The following PRDM11 variants were observed in gnomAD, a reference collection of about 807,000 sequenced individuals.
PRDM11 encodes PR domain-containing protein 11.
In PRDM11, 20 loss-of-function variants were observed where a neutral mutation model predicts 97.8. The ratio of observed to expected loss-of-function variants is 0.20; its 90% CI spans 0.14 to 0.30. The LOEUF (loss-of-function observed/expected upper bound fraction) is 0.30. Ranked by LOEUF, PRDM11 falls within the 10% of genes least tolerant of loss-of-function variation. The probability of loss-of-function intolerance (pLI) is 1.00; values close to 1 mark genes in which losing one functional copy is unlikely to be tolerated. For synonymous variants in PRDM11, 599 were observed against 637.7 expected (o/e 0.94, Z 0.91); for missense variants, 1,139 against 1,555.2 (o/e 0.73, Z 4.50).
chr11:45,138,817 T>C (rs1309759773), intron 1 of PRDM11, among the ~76,000 whole-genome samples: 1 of 152,176 alleles, frequency 6.6e-6, no homozygotes, highest in East Asian at 1.9e-4. Flanking sequence ...TTTCTAACTA[T>C]GTTCACAAAA....
chr11:45,103,109 C>T (rs1273990699), intron 1 of PRDM11, among the ~76,000 whole-genome samples: 2 of 152,218 alleles, frequency 1.3e-5, no homozygotes, highest in African/African-American at 4.8e-5. Context: ...TTTTCATTCT[C>T]TTGTCTGGTC....
rs765859653 is a variant in PRDM11 at position 45,219,587 on chromosome 11, G to A, written c.572G>A (p.Arg191Gln). Residue 191 changes from arginine (R) to glutamine (Q), a missense_variant, in exon 6 of 8, where the codon CGG becomes CAG. Arg to Gln is a conservative substitution (Grantham distance 43). Around this residue, in one of 2 missense-constraint regions of PRDM11, gnomAD observed 429 missense variants for 510.3 expected, o/e 0.84. Coordinates refer to ENST00000683152, the MANE Select transcript of PRDM11 (RefSeq NM_001384648.1). The surrounding 1 kb of genome is among the most constrained non-coding windows in gnomAD (Gnocchi z 4.2). ...ANWMRYVVIS[R>Q]EEREQNLLAF... ...CCCACCAGGTACGTGGTCATCTCCC[G>A]GGAGGAGAGGGAGCAGAACCTGCTG... 8 of 1,613,758 alleles carry A rather than the reference G, an allele frequency of 5.0e-6. No homozygotes were observed. Among genetic ancestry groups the A allele is most frequent in the East Asian group, 4.5e-5 (2 of 44,882 alleles).
chr11:45,190,369 A>G (rs1463016494), intron 4 of PRDM11, among the ~76,000 whole-genome samples: 1 of 152,030 alleles, frequency 6.6e-6, no homozygotes, highest in African/African-American at 2.4e-5. Flanking sequence ...GCTGGTCGCA[A>G]ACTCCTGAGC....
upstream of PRDM11, among the ~76,000 whole-genome samples, chr11:45,143,849 C>T (rs1486429100): frequency 1.3e-5 from 2 of 152,222 alleles, no homozygotes; most frequent in East Asian, 1.9e-4. Context: ...TGTTCTCCTT[C>T]CCCTTCCCTT....
chr11:45,128,566 G>C (rs73464561), intron 1 of PRDM11, among the ~76,000 whole-genome samples: 5,888 of 130,390 alleles, frequency 0.045, 406 homozygotes, highest in African/African-American at 0.16. Flanking sequence ...TGGCAACTTA[G>C]ATTAAATGAA....
At chr11:45,094,546 A>G (rs78873988), upstream of PRDM11, among the ~76,000 whole-genome samples, 349 of 129,468 alleles carry the variant, frequency 2.7e-3, 3 homozygotes, top group African/African-American at 9.6e-3. Context: ...AGAGAGGGAT[A>G]TGACGGGAGG....
At chr11:45,145,625 C>A (rs935062023), upstream of PRDM11, among the ~76,000 whole-genome samples, 3 of 152,182 alleles carry the variant, frequency 2.0e-5, no homozygotes. Context: ...GGGTTTACTG[C>A]CCCAATTTTG....
chr11:45,197,070 G>T lies in PRDM11; in HGVS notation c.487-7641G>T, dbSNP rs1326898560. Among the ~76,000 whole-genome samples the T allele has an allele frequency of 3.3e-5, 5 of 152,308 alleles. No homozygotes were observed. In the South Asian group the frequency reaches 1.0e-3, roughly 32 times the overall value. ...AGATGGGTTTCAGGAATGGTTGAGG[G>T]TGGGAGGTGAAATCAAAGTGTATAA... On this transcript the variant is annotated intron_variant, in intron 4 of 7. Coordinates refer to ENST00000683152, the MANE Select transcript of PRDM11 (RefSeq NM_001384648.1).
intron 1 of PRDM11, among the ~76,000 whole-genome samples, chr11:45,167,728 A>T (rs2135713429): frequency 6.6e-6 from 1 of 150,402 alleles, no homozygotes; most frequent in African/African-American, 2.4e-5. Context: ...GATGCTTAGG[A>T]CCCAAGGAGG....
chr11:45,114,973 T>A (rs1852268801), intron 1 of PRDM11, among the ~76,000 whole-genome samples: 1 of 152,032 alleles, frequency 6.6e-6, no homozygotes. Context: ...TGAAGGGAGA[T>A]TACACTGAAG....
chr11:45,122,236 C>CAGAGAGAG (rs1554964899), intron 1 of PRDM11, among the ~76,000 whole-genome samples: 2,461 of 144,578 alleles, frequency 0.017, 80 homozygotes, highest in African/African-American at 0.059. Flanking sequence ...CACACACACA[C>CAGAGAGAG]AGAGAGAAAC....
At chr11:45,166,469 G>T (rs181597484) in intron 1 of PRDM11, among the ~76,000 whole-genome samples, 10 of 152,350 alleles carry the variant, frequency 6.6e-5, no homozygotes, top group Admixed American at 1.3e-4. Flanking sequence ...AGCACTGGTT[G>T]GTCAGTCCTC....
chr11:45,103,569 C>A (rs924707115), intron 1 of PRDM11, among the ~76,000 whole-genome samples: 2 of 151,886 alleles, frequency 1.3e-5, no homozygotes, highest in African/African-American at 4.8e-5. Context: ...TAAGTGTTAA[C>A]CTTTGGCAGG....
chr11:45,095,312 T>A (rs537509814), upstream of PRDM11, among the ~76,000 whole-genome samples: 2 of 151,998 alleles, frequency 1.3e-5, no homozygotes, highest in East Asian at 3.9e-4. Context: ...CACACCCACC[T>A]CCTCCTTTTA....
intron 4 of PRDM11, among the ~76,000 whole-genome samples, chr11:45,201,792 G>A (rs976464812): frequency 1.3e-5 from 2 of 151,530 alleles, no homozygotes; most frequent in African/African-American, 2.4e-5. Flanking sequence ...ACGGTGAAAC[G>A]CTGTCTCTAC....
chr11:45,205,521 C>T (rs1018129050), intron 5 of PRDM11, among the ~76,000 whole-genome samples: 2 of 152,014 alleles, frequency 1.3e-5, no homozygotes, highest in African/African-American at 4.8e-5. Context: ...GACCTAGGAG[C>T]ACTGGCTGGA....
chr11:45,131,206 G>T (rs1292652545), intron 1 of PRDM11, among the ~76,000 whole-genome samples: 3 of 152,150 alleles, frequency 2.0e-5, no homozygotes, highest in Non-Finnish European at 4.4e-5. Context: ...CTCACTTGTG[G>T]TGATAGAATC....
chr11:45,181,492 G>C (rs1394414431), intron 1 of PRDM11, among the ~76,000 whole-genome samples: 2 of 152,180 alleles, frequency 1.3e-5, no homozygotes, highest in African/African-American at 4.8e-5. Context: ...TTCCCAGCGC[G>C]GCCTCCTGGC....
At chr11:45,132,402 G>A (rs1216034205) in intron 1 of PRDM11, among the ~76,000 whole-genome samples, 1 of 152,198 alleles carries the variant, frequency 6.6e-6, no homozygotes, top group African/African-American at 2.4e-5. Flanking sequence ...CCTCTGGGTA[G>A]TAAAACTGTG....
Sources: allele counts gnomAD v4.1 joint callset (sites outside exome capture counted in the v4.1 genomes callset), GRCh38; gene constraint gnomAD v4.1.1; regional missense constraint gnomAD v4.1.1; non-coding constraint Gnocchi (gnomAD v3.1); transcripts MANE v1.5; gene names NCBI Gene and HGNC (gene_info 2026-07-23, HGNC 2026-07-21).